TLL1: variants seen among roughly 807,000 people sequenced by gnomAD.
TLL1 encodes the protein tolloid like 1.
TLL1 carries 49 observed loss-of-function variants against 128.2 expected under a neutral mutation model. That is an observed-to-expected ratio of 0.38 (90% CI 0.30 to 0.48). The LOEUF is 0.48. Ranked by LOEUF, TLL1 falls within the 20% of genes least tolerant of loss-of-function variation. TLL1 has a pLI of 0.96. For missense variants in TLL1, 1,123 were observed against 1,242.0 expected, an observed-to-expected ratio of 0.90 and a Z score of 1.44; for synonymous variants, 454 against 418.8, an observed-to-expected ratio of 1.08 and a Z score of -1.03.
intron 12 of TLL1, among the ~76,000 whole-genome samples, chr4:166,047,867 G>C (rs981605559): frequency 6.6e-5 from 10 of 152,104 alleles, no homozygotes; most frequent in Non-Finnish European, 1.5e-4. Flanking sequence ...AAAGGTGATG[G>C]TATTAGCAGT....
At chr4:165,908,930 C>G (rs1390125466) in intron 1 of TLL1, among the ~76,000 whole-genome samples, 2 of 152,162 alleles carry the variant, frequency 1.3e-5, no homozygotes, top group African/African-American at 4.8e-5. Context: ...ACAAGAATGG[C>G]TCATGCCTGT....
intron 8 of TLL1, among the ~76,000 whole-genome samples, chr4:166,017,960 A>G (rs1436021829): frequency 6.6e-6 from 1 of 152,190 alleles, no homozygotes; most frequent in Non-Finnish European, 1.5e-5. Context: ...AACTGCAAGT[A>G]TATAAATGGA....
intron 1 of TLL1, among the ~76,000 whole-genome samples, chr4:165,986,220 T>C (rs1033064239): frequency 6.6e-6 from 1 of 152,084 alleles, no homozygotes; most frequent in African/African-American, 2.4e-5. Flanking sequence ...GTGTCAGATA[T>C]ATATTAGATT....
At chr4:165,943,226 C>T (rs945194184) in intron 1 of TLL1, among the ~76,000 whole-genome samples, 11 of 151,902 alleles carry the variant, frequency 7.2e-5, no homozygotes, top group Non-Finnish European at 1.2e-4. Context: ...GTTTTAAAAC[C>T]TGTATTCAAA....
chr4:166,003,652 C>T (rs1737268567), intron 6 of TLL1, 83 bp downstream of exon 6: 1 of 1,428,558 alleles, frequency 7.0e-7, no homozygotes, highest in African/African-American at 1.4e-5. Context: ...TTCACTTTCC[C>T]AAAAATGTAA....
intron 8 of TLL1, among the ~76,000 whole-genome samples, chr4:166,020,186 G>A (rs150227738): frequency 2.8e-4 from 43 of 152,042 alleles, no homozygotes; most frequent in African/African-American, 8.7e-4. Context: ...CTCGACATTG[G>A]GGTTGAATAG....
intron 1 of TLL1, among the ~76,000 whole-genome samples, chr4:165,933,473 AG>A (rs1267718548): frequency 6.6e-6 from 1 of 152,112 alleles, no homozygotes; most frequent in Admixed American, 6.6e-5. Context: ...GCGCATCTCG[AG>A]GTCTGCAGTC....
intron 1 of TLL1, among the ~76,000 whole-genome samples, chr4:165,938,431 C>T (rs1733860242): frequency 6.6e-6 from 1 of 152,120 alleles, no homozygotes; most frequent in African/African-American, 2.4e-5. Context: ...TCTAGACAGT[C>T]TGGTGCTTCC....
At chr4:165,938,663 G>A (rs987822516) in intron 1 of TLL1, among the ~76,000 whole-genome samples, 9 of 151,848 alleles carry the variant, frequency 5.9e-5, no homozygotes, top group African/African-American at 2.2e-4. Flanking sequence ...TCATTTAACT[G>A]CCACACAGTC....
At chr4:165,953,545 G>A (rs1199338207) in intron 1 of TLL1, among the ~76,000 whole-genome samples, 1 of 141,208 alleles carries the variant, frequency 7.1e-6, no homozygotes, top group Non-Finnish European at 1.5e-5. Context: ...GTTAACTGCA[G>A]TGGTATTTCT....
intron 1 of TLL1, among the ~76,000 whole-genome samples, chr4:165,934,838 T>C (rs970266822): frequency 1.3e-5 from 2 of 152,190 alleles, no homozygotes; most frequent in Non-Finnish European, 2.9e-5. Flanking sequence ...GTACTATTTC[T>C]TACTGATTAA....
intron 12 of TLL1, among the ~76,000 whole-genome samples, 171 bp from the exon 13 acceptor site, chr4:166,054,905 G>T (rs1289842910): frequency 4.0e-5 from 6 of 151,830 alleles, no homozygotes; most frequent in Admixed American, 3.9e-4. Context: ...AACATCCTTT[G>T]TTCATGGATA....
intron 8 of TLL1, among the ~76,000 whole-genome samples, chr4:166,018,225 G>A (rs781418362): frequency 4.6e-5 from 7 of 152,022 alleles, no homozygotes; most frequent in African/African-American, 7.2e-5. Context: ...AATGGTACTC[G>A]GATACTTGGC....
At chr4:166,058,638 T>C (rs1740143433) in intron 14 of TLL1, among the ~76,000 whole-genome samples, 1 of 152,164 alleles carries the variant, frequency 6.6e-6, no homozygotes, top group Non-Finnish European at 1.5e-5. Context: ...GCAGGATGAA[T>C]TGGAAGATCT....
chr4:166,003,414 G>A lies in TLL1; in HGVS notation c.656G>A (p.Arg219Gln). 2.5e-6 allele frequency: 4 copies of A among 1,613,916 alleles called. No homozygotes were observed. Among genetic ancestry groups the A allele is most frequent in the Non-Finnish European group, 3.4e-6 (4 of 1,179,912 alleles). The change falls in exon 6 of 21, where the codon CGA (arginine) becomes CAA (glutamine). Residue 219 changes from arginine (R) to glutamine (Q), a missense_variant. Around this residue, in one of 3 missense-constraint regions of TLL1, gnomAD observed 480 missense variants for 542.4 expected, o/e 0.89. Transcript: ENST00000061240. The part of the protein sequence containing the change: ...PCGCCSYVGR[R>Q]GNGPQAISIG... The stretch of plus-strand genomic sequence containing the variant: ...AGATGCTGCTCCTATGTAGGTCGGC[G>A]AGGAAATGGACCTCAGGCAATCTCT...
At chr4:165,898,190 C>T (rs970918318) in intron 1 of TLL1, among the ~76,000 whole-genome samples, 4 of 152,168 alleles carry the variant, frequency 2.6e-5, no homozygotes, top group African/African-American at 9.7e-5. Context: ...GACAATTTGA[C>T]TTCGTCTCTT....
intron 8 of TLL1, among the ~76,000 whole-genome samples, chr4:166,020,786 A>G (rs1738189819): frequency 6.6e-6 from 1 of 152,328 alleles, no homozygotes; most frequent in East Asian, 1.9e-4. Flanking sequence ...CAAGTAACAT[A>G]GTGAAATTTT....
intron 1 of TLL1, among the ~76,000 whole-genome samples, chr4:165,891,503 A>G (rs1490950581): frequency 2.0e-5 from 3 of 152,108 alleles, no homozygotes; most frequent in African/African-American, 7.2e-5. Context: ...CTGCTTAGAA[A>G]TTTCTTCCAT....
At chr4:165,904,878 A>G (rs1304056101) in intron 1 of TLL1, among the ~76,000 whole-genome samples, 1 of 152,262 alleles carries the variant, frequency 6.6e-6, no homozygotes, top group African/African-American at 2.4e-5. Flanking sequence ...TTCATCAAAA[A>G]GAGAAATTGG....
Sources: allele counts gnomAD v4.1 joint callset (sites outside exome capture counted in the v4.1 genomes callset), GRCh38; gene constraint gnomAD v4.1.1; regional missense constraint gnomAD v4.1.1; transcripts MANE v1.5; gene names NCBI Gene and HGNC (gene_info 2026-07-23, HGNC 2026-07-21).